The following PLEKHA5 variants were observed in gnomAD, a reference collection of about 807,000 sequenced individuals.
The protein encoded by PLEKHA5 is pleckstrin homology domain containing A5, also known as pleckstrin homology domain-containing family A member 5.
PLEKHA5 carries 55 observed loss-of-function variants against 181.9 expected under a neutral mutation model. The observed-to-expected ratio is 0.30, with a 90% confidence interval of 0.24 to 0.38. PLEKHA5 has a LOEUF of 0.38. Among genes scored for constraint, PLEKHA5 ranks in the 10% least tolerant of loss-of-function variants. PLEKHA5 has a pLI of 1.00. For synonymous variants in PLEKHA5, 535 were observed against 529.4 expected, an observed-to-expected ratio of 1.01 and a Z score of -0.15; for missense variants, 1,432 against 1,549.5, an observed-to-expected ratio of 0.92 and a Z score of 1.27.
chr12:19,307,685 G>C (rs1485801136), intron 15 of PLEKHA5: 3 of 343,878 alleles, frequency 8.7e-6, no homozygotes, highest in African/African-American at 2.2e-5. Flanking sequence ...GCCCAAGACA[G>C]AGAAGATCTC....
intron 3 of PLEKHA5, among the ~76,000 whole-genome samples, chr12:19,160,680 T>C (rs1444399849): frequency 6.6e-6 from 1 of 152,142 alleles, no homozygotes; most frequent in Admixed American, 6.5e-5. Flanking sequence ...TTTTTAGTTA[T>C]TATTAGAAAA....
At chr12:19,336,874 GT>G (rs1356788875) in intron 21 of PLEKHA5, among the ~76,000 whole-genome samples, 4 of 151,408 alleles carry the variant, frequency 2.6e-5, no homozygotes, top group Non-Finnish European at 5.9e-5. Context: ...CAGCTCTACA[GT>G]TTCCTAAAAA....
intron 27 of PLEKHA5, 131 bp downstream of exon 27, chr12:19,358,568 CTAA>C (rs949826345): frequency 2.3e-5 from 14 of 618,520 alleles, no homozygotes; most frequent in African/African-American, 2.0e-4. Context: ...TTTAATTCTC[CTAA>C]TAATAAGCTA....
At chr12:19,370,489 C>T (rs1198072487) in intron 31 of PLEKHA5, among the ~76,000 whole-genome samples, 1 of 152,062 alleles carries the variant, frequency 6.6e-6, no homozygotes, top group Admixed American at 6.6e-5. Flanking sequence ...ATAGCGTACT[C>T]TAAAAGTTTT....
chr12:19,352,772 A>G (rs1319849118), intron 25 of PLEKHA5, among the ~76,000 whole-genome samples: 1 of 151,278 alleles, frequency 6.6e-6, no homozygotes, highest in East Asian at 2.0e-4. Context: ...AATCTGTACA[A>G]TTTTTTCTTC....
intron 3 of PLEKHA5, among the ~76,000 whole-genome samples, chr12:19,183,773 G>A (rs1323507218): frequency 6.6e-6 from 1 of 152,108 alleles, no homozygotes; most frequent in Non-Finnish European, 1.5e-5. Context: ...GAGCACAGTG[G>A]CGTGATCTTG....
chr12:19,233,913 C>T (rs947113563), intron 3 of PLEKHA5, among the ~76,000 whole-genome samples: 6 of 152,136 alleles, frequency 3.9e-5, no homozygotes, highest in African/African-American at 1.2e-4. Flanking sequence ...TTAGCTCTCA[C>T]GAAGTAGTGG....
At chr12:19,222,718 C>G (rs1232285943) in intron 3 of PLEKHA5, among the ~76,000 whole-genome samples, 1 of 152,060 alleles carries the variant, frequency 6.6e-6, no homozygotes, top group Non-Finnish European at 1.5e-5. Context: ...CTCTTTAATT[C>G]TGGAATGACA....
At chr12:19,244,402 A>T (rs1459225486) in intron 3 of PLEKHA5, among the ~76,000 whole-genome samples, 1 of 152,242 alleles carries the variant, frequency 6.6e-6, no homozygotes, top group African/African-American at 2.4e-5. Flanking sequence ...AGTTTTCTTC[A>T]TAGAGAAATA....
chr12:19,366,127 C>A lies in PLEKHA5; in HGVS notation c.3754+18C>A. The stretch of plus-strand genomic sequence containing the variant: ...AATGGCAGGTAGGTAGTATACACTT[C>A]ATAATTTTCTACCTGGTGCTTCCTC... On this transcript the variant is annotated intron_variant, in intron 30 of 31. Transcript: ENST00000429027. 6.3e-7 allele frequency: 1 copy of A among 1,578,906 alleles called. No individual in the cohort carries two copies. The highest frequency in any genetic ancestry group is 8.6e-7 in the Non-Finnish European group (1 of 1,162,304).
At chr12:19,370,574 T>C (rs546149406) in intron 31 of PLEKHA5, 82 of 152,340 alleles carry the variant, frequency 5.4e-4, no homozygotes, top group African/African-American at 1.9e-3. Flanking sequence ...TCACAGCATC[T>C]ACCATATCTA....
intron 11 of PLEKHA5, among the ~76,000 whole-genome samples, chr12:19,278,783 G>T (rs972472452): frequency 6.6e-6 from 1 of 152,112 alleles, no homozygotes; most frequent in Non-Finnish European, 1.5e-5. Context: ...GGTTATATAA[G>T]AGCAATTGGG....
chr12:19,320,122 C>T (rs1424075473), intron 17 of PLEKHA5, 66 bp downstream of exon 17: 1 of 610,386 alleles, frequency 1.6e-6, no homozygotes, highest in Non-Finnish European at 2.7e-6. Flanking sequence ...GATGTGTTGA[C>T]ATTTGAGTGT....
intron 3 of PLEKHA5, among the ~76,000 whole-genome samples, chr12:19,169,820 G>A (rs11044441): frequency 0.082 from 12,434 of 152,180 alleles, 674 homozygotes; most frequent in Non-Finnish European, 0.12. Flanking sequence ...CATCTTTCTG[G>A]GCCATTACCG....
intron 11 of PLEKHA5, among the ~76,000 whole-genome samples, chr12:19,281,838 C>T (rs535072766): frequency 6.6e-6 from 1 of 151,892 alleles, no homozygotes; most frequent in Non-Finnish European, 1.5e-5. Context: ...CTGGAGTGCA[C>T]TGGCGCGATC....
At chr12:19,232,976 A>G (rs1375053477) in intron 3 of PLEKHA5, among the ~76,000 whole-genome samples, 2 of 152,172 alleles carry the variant, frequency 1.3e-5, no homozygotes, top group Admixed American at 6.5e-5. Context: ...CCATAAGTTC[A>G]TGGGATATTT....
At chr12:19,175,230 C>T (rs1230281136) in intron 3 of PLEKHA5, among the ~76,000 whole-genome samples, 1 of 152,080 alleles carries the variant, frequency 6.6e-6, no homozygotes, top group African/African-American at 2.4e-5. Context: ...ATATAAAATG[C>T]TCATTCATCA....
At chr12:19,162,873 G>C (rs1378036855) in intron 3 of PLEKHA5, among the ~76,000 whole-genome samples, 1 of 152,144 alleles carries the variant, frequency 6.6e-6, no homozygotes, top group Admixed American at 6.5e-5. Flanking sequence ...TTTAAAGTGT[G>C]TGAGGTGTGG....
intron 10 of PLEKHA5, among the ~76,000 whole-genome samples, chr12:19,271,887 T>G (rs1309028929): frequency 1.3e-5 from 2 of 152,208 alleles, no homozygotes; most frequent in African/African-American, 4.8e-5. Flanking sequence ...ATTATGTGTT[T>G]TCTTCTACTC....
Sources: allele counts gnomAD v4.1 joint callset (sites outside exome capture counted in the v4.1 genomes callset), GRCh38; gene constraint gnomAD v4.1.1; transcripts MANE v1.5; gene names NCBI Gene and HGNC (gene_info 2026-07-23, HGNC 2026-07-21).